The following SLC7A14 variants were observed in gnomAD, a reference collection of about 807,000 sequenced individuals.
The protein encoded by SLC7A14 is solute carrier family 7 member 14.
A neutral mutation model predicts 60.2 loss-of-function variants in SLC7A14; 37 were observed. The ratio of observed to expected loss-of-function variants is 0.61; its 90% CI spans 0.47 to 0.81. The LOEUF is 0.81. Ranked by LOEUF, SLC7A14 falls within the 30% of genes least tolerant of loss-of-function variation. The pLI, the probability that SLC7A14 is intolerant of heterozygous loss-of-function variation, is 0.00. For missense variants in SLC7A14, 886 were observed against 982.7 expected, an observed-to-expected ratio of 0.90 and a Z score of 1.32; for synonymous variants, 399 against 395.8, an observed-to-expected ratio of 1.01 and a Z score of -0.10.
rs1280903758 is a variant in SLC7A14, at chr3:170,535,087, C to G, written c.-152-7999G>C. On this transcript the variant is annotated intron_variant, in intron 1 of 7. Coordinates refer to ENST00000231706, the MANE Select transcript of SLC7A14 (RefSeq NM_020949.3). The surrounding 1 kb of genome is among the most constrained non-coding windows in gnomAD (Gnocchi z 4.3). ...TTCTCCTCTCCTTTTCCATGGACCT[C>G]AGGTCCGGTGCCTCAGGTCTTTGCT... Among the ~76,000 whole-genome samples, 1 of 152,060 alleles carries G rather than the reference C, an allele frequency of 6.6e-6. No homozygotes were observed. The highest frequency in any genetic ancestry group is 1.5e-5 in the Non-Finnish European group (1 of 68,036).
At chr3:170,469,174 C>T (rs978215739) in intron 7 of SLC7A14, among the ~76,000 whole-genome samples, 1 of 152,198 alleles carries the variant, frequency 6.6e-6, no homozygotes, top group South Asian at 2.1e-4. Context: ...TTTGCTAACC[C>T]TGCAGGCTTC....
intron 1 of SLC7A14, 147 bp from the exon 2 acceptor site, chr3:170,527,235 C>A: frequency 2.3e-6 from 1 of 429,906 alleles, no homozygotes; most frequent in South Asian, 2.8e-5. Context: ...TGGTTCCACT[C>A]TCCTTGCTCT....
At chr3:170,526,222 T>C (rs1713492244) in intron 2 of SLC7A14, among the ~76,000 whole-genome samples, 1 of 151,850 alleles carries the variant, frequency 6.6e-6, no homozygotes, top group South Asian at 2.1e-4. Context: ...GCCAAAATGG[T>C]GAAACCCCGT....
At position 170,459,559 on chromosome 3, in the gene SLC7A14, T is replaced by G. The variant is rs1209757679; in HGVS notation, c.*7496A>C. The stretch of plus-strand genomic sequence containing the variant: ...AGGATGGCACTGACTTTCTTCAAAT[T>G]TAAATTTTATTAGTCGATTAGCTGT... On this transcript the variant is annotated 3_prime_UTR_variant, in exon 8 of 8. Coordinates refer to ENST00000231706, the MANE Select transcript of SLC7A14 (RefSeq NM_020949.3). 1 of 152,224 alleles carries G rather than the reference T, an allele frequency of 6.6e-6. No homozygotes were observed. The highest frequency in any genetic ancestry group is 1.5e-5 in the Non-Finnish European group (1 of 68,040). 9.4% of individuals were successfully genotyped at this position (152,224 alleles called of 1,614,324 possible).
chr3:170,481,236 G>T, intron 6 of SLC7A14, 70 bp from the exon 7 acceptor site: 5 of 1,500,350 alleles, frequency 3.3e-6, no homozygotes, highest in Non-Finnish European at 4.5e-6. Flanking sequence ...GCCAACATAG[G>T]GAGCTAGAAC....
At chr3:170,528,540 T>C (rs1358358570) in intron 1 of SLC7A14, among the ~76,000 whole-genome samples, 1 of 152,202 alleles carries the variant, frequency 6.6e-6, no homozygotes, top group Non-Finnish European at 1.5e-5. Flanking sequence ...GTAGCACTTG[T>C]CTGCTTCTAA....
At chr3:170,577,686 T>C (rs993520752) in intron 1 of SLC7A14, among the ~76,000 whole-genome samples, 4 of 150,282 alleles carry the variant, frequency 2.7e-5, no homozygotes, top group African/African-American at 9.8e-5. Flanking sequence ...ATGTATTCCG[T>C]AATTGGCCTT....
chr3:170,477,911 T>C (rs1711676262), intron 7 of SLC7A14, among the ~76,000 whole-genome samples: 2 of 152,230 alleles, frequency 1.3e-5, no homozygotes, highest in Admixed American at 1.3e-4. Flanking sequence ...TATGTATATT[T>C]GTGTCTGTGT....
intron 7 of SLC7A14, among the ~76,000 whole-genome samples, chr3:170,472,420 C>T (rs772709540): frequency 2.0e-5 from 3 of 149,500 alleles, no homozygotes; most frequent in Non-Finnish European, 3.0e-5. Flanking sequence ...GACTGGGGCA[C>T]GTGGGCTGCA....
At chr3:170,515,377 G>A (rs1429378255) in intron 2 of SLC7A14, among the ~76,000 whole-genome samples, 1 of 151,642 alleles carries the variant, frequency 6.6e-6, no homozygotes, top group Non-Finnish European at 1.5e-5. Context: ...AGGTTGTAAT[G>A]TATAAAAGGG....
intron 6 of SLC7A14, among the ~76,000 whole-genome samples, chr3:170,482,931 C>T (rs1711881881): frequency 6.6e-6 from 1 of 150,590 alleles, no homozygotes; most frequent in Admixed American, 6.6e-5. Context: ...TTCAGAGGGG[C>T]TGTGGAGAGT....
At chr3:170,526,075 T>TA (rs200076518) in intron 2 of SLC7A14, among the ~76,000 whole-genome samples, 2,699 of 127,494 alleles carry the variant, frequency 0.021, 31 homozygotes, top group Middle Eastern at 0.052. Flanking sequence ...AGACTCTGTT[T>TA]AAAAAAAAAA....
At chr3:170,574,382 C>CA (rs1281182467) in intron 1 of SLC7A14, among the ~76,000 whole-genome samples, 5 of 152,162 alleles carry the variant, frequency 3.3e-5, no homozygotes, top group Non-Finnish European at 7.3e-5. Flanking sequence ...CTTTCTTGGC[C>CA]ACTCCCAATC....
chr3:170,481,214 G>A (rs749061692), intron 6 of SLC7A14, 48 bp from the exon 7 acceptor site: 23 of 1,558,454 alleles, frequency 1.5e-5, no homozygotes, highest in East Asian at 2.3e-5. Context: ...TACAGTGACC[G>A]ATTCCAGTGC....
intron 1 of SLC7A14, among the ~76,000 whole-genome samples, chr3:170,536,093 TG>T (rs1229567280): frequency 6.6e-6 from 1 of 152,206 alleles, no homozygotes; most frequent in Non-Finnish European, 1.5e-5. Context: ...ACCTTGGGTT[TG>T]TATCTTAAAA....
At chr3:170,577,624 CAAAAA>C (rs56357954) in intron 1 of SLC7A14, among the ~76,000 whole-genome samples, 2 of 52,062 alleles carry the variant, frequency 3.8e-5, no homozygotes, top group African/African-American at 1.2e-4. Flanking sequence ...GACTCCGTCT[CAAAAA>C]AAAAAAAAAA....
chr3:170,536,037 G>A (rs1713826052), intron 1 of SLC7A14, among the ~76,000 whole-genome samples: 1 of 152,314 alleles, frequency 6.6e-6, no homozygotes, highest in South Asian at 2.1e-4. Flanking sequence ...GAGATACTGG[G>A]TTTGAAGTCT....
At chr3:170,470,820 T>C (rs1739878750) in intron 7 of SLC7A14, among the ~76,000 whole-genome samples, 1 of 152,196 alleles carries the variant, frequency 6.6e-6, no homozygotes, top group South Asian at 2.1e-4. Context: ...TAAACAGAGC[T>C]GCTCCACGCC....
At chr3:170,520,158 T>C (rs1713300169) in intron 2 of SLC7A14, among the ~76,000 whole-genome samples, 1 of 152,228 alleles carries the variant, frequency 6.6e-6, no homozygotes, top group South Asian at 2.1e-4. Context: ...TTCACTCCAT[T>C]CCTTACGCTG....
Sources: allele counts gnomAD v4.1 joint callset (sites outside exome capture counted in the v4.1 genomes callset), GRCh38; gene constraint gnomAD v4.1.1; non-coding constraint Gnocchi (gnomAD v3.1); transcripts MANE v1.5; gene names NCBI Gene and HGNC (gene_info 2026-07-23, HGNC 2026-07-21).